POFUT3: variants seen among roughly 807,000 people sequenced by gnomAD.
The protein encoded by POFUT3 is protein O-fucosyltransferase 3.
chr8:33,342,215 G>A, the POFUT3 span, among the ~76,000 whole-genome samples: 1 of 151,932 alleles, frequency 6.6e-6, no homozygotes, highest in Non-Finnish European at 1.5e-5. Flanking sequence ...AAATTAGCCA[G>A]GTGTGATGGC....
the POFUT3 span, among the ~76,000 whole-genome samples, chr8:33,382,277 G>C: frequency 1.1e-4 from 16 of 152,184 alleles, no homozygotes; most frequent in South Asian, 2.1e-4. Context: ...GGGTGATAGA[G>C]ACCCTGTCTC....
At chr8:33,428,352 G>T in the POFUT3 span, among the ~76,000 whole-genome samples, 1 of 152,156 alleles carries the variant, frequency 6.6e-6, no homozygotes, top group African/African-American at 2.4e-5. Flanking sequence ...AGAAGCTAAA[G>T]AAATTTTTTA....
the POFUT3 span, among the ~76,000 whole-genome samples, chr8:33,318,138 GTC>G: frequency 6.6e-6 from 1 of 151,946 alleles, no homozygotes; most frequent in Non-Finnish European, 1.5e-5. Flanking sequence ...CAGCTTCTAC[GTC>G]TCTGTATCTG....
the POFUT3 span, among the ~76,000 whole-genome samples, chr8:33,340,520 A>G: frequency 1.3e-5 from 2 of 152,120 alleles, no homozygotes; most frequent in Non-Finnish European, 2.9e-5. Context: ...TGACCCAACT[A>G]CACGCTGCCC....
At chr8:33,309,167 A>AAAAAAAT in the POFUT3 span, among the ~76,000 whole-genome samples, 18 of 53,680 alleles carry the variant, frequency 3.4e-4, no homozygotes, top group African/African-American at 3.7e-4. Flanking sequence ...AAAAAAAAAA[A>AAAAAAAT]ATATATATAT....
At chr8:33,364,369 G>A in the POFUT3 span, among the ~76,000 whole-genome samples, 1 of 151,866 alleles carries the variant, frequency 6.6e-6, no homozygotes, top group Non-Finnish European at 1.5e-5. Flanking sequence ...CACAAGACAA[G>A]GATGCCCTCT....
the POFUT3 span, among the ~76,000 whole-genome samples, chr8:33,368,437 G>A: frequency 1.3e-5 from 2 of 152,300 alleles, no homozygotes; most frequent in Admixed American, 6.5e-5. Flanking sequence ...AGTGAAAAAG[G>A]TTAATATGAC....
At chr8:33,419,794 T>C in the POFUT3 span, among the ~76,000 whole-genome samples, 5 of 151,906 alleles carry the variant, frequency 3.3e-5, no homozygotes, top group African/African-American at 1.2e-4. Context: ...GTTAGGTCAT[T>C]TATTTAAACT....
chr8:33,461,714 A>G, the POFUT3 span: 1 of 1,367,644 alleles, frequency 7.3e-7, no homozygotes, highest in African/African-American at 1.5e-5. Flanking sequence ...ATAAGAAGGA[A>G]TCAAAAAAAT....
chr8:33,402,242 A>G, the POFUT3 span, among the ~76,000 whole-genome samples: 1 of 152,192 alleles, frequency 6.6e-6, no homozygotes, highest in Non-Finnish European at 1.5e-5. Context: ...TAATTAAATC[A>G]AAGGCTTATT....
chr8:33,363,791 C>CA, the POFUT3 span, among the ~76,000 whole-genome samples: 1 of 151,942 alleles, frequency 6.6e-6, no homozygotes, highest in African/African-American at 2.4e-5. Context: ...GCTTACCAAC[C>CA]AAAAAAAGTC....
chr8:33,398,319 TA>T, the POFUT3 span, among the ~76,000 whole-genome samples: 1 of 152,254 alleles, frequency 6.6e-6, no homozygotes, highest in Admixed American at 6.5e-5. Context: ...CAAAAATTAT[TA>T]AAACTGTCGT....
the POFUT3 span, among the ~76,000 whole-genome samples, chr8:33,386,157 C>G: frequency 3.6e-5 from 5 of 140,584 alleles, no homozygotes; most frequent in South Asian, 1.1e-3. Flanking sequence ...CCACTACACT[C>G]CAGCCTGGAC....
At chr8:33,348,336 T>C in the POFUT3 span, among the ~76,000 whole-genome samples, 1 of 152,028 alleles carries the variant, frequency 6.6e-6, no homozygotes, top group African/African-American at 2.4e-5. Context: ...CACTCCCAAT[T>C]GATGATGAGT....
chr8:33,372,765 G>C, the POFUT3 span: 15 of 1,613,932 alleles, frequency 9.3e-6, no homozygotes, highest in Non-Finnish European at 1.2e-5. Context: ...GGGCAACTCA[G>C]GTGGGTATCT....
At chr8:33,318,208 G>A in the POFUT3 span, among the ~76,000 whole-genome samples, 1 of 151,722 alleles carries the variant, frequency 6.6e-6, no homozygotes, top group Non-Finnish European at 1.5e-5. Flanking sequence ...TTTATTTCCT[G>A]CTGTTTTGTA....
the POFUT3 span, among the ~76,000 whole-genome samples, chr8:33,316,181 G>C: frequency 6.6e-6 from 1 of 152,034 alleles, no homozygotes; most frequent in Non-Finnish European, 1.5e-5. Flanking sequence ...TGTATGAGTA[G>C]GTAACCCTTT....
the POFUT3 span, among the ~76,000 whole-genome samples, chr8:33,407,987 C>CAAAAAA: frequency 2.4e-5 from 2 of 83,712 alleles, no homozygotes; most frequent in African/African-American, 4.2e-5. Context: ...GACTCCATCT[C>CAAAAAA]AAAAAAAAAA....
chr8:33,374,744 T>A, the POFUT3 span, among the ~76,000 whole-genome samples: 1 of 152,348 alleles, frequency 6.6e-6, no homozygotes, highest in East Asian at 1.9e-4. Flanking sequence ...AAAGTGTTTT[T>A]AGTAAAAGAC....
Sources: allele counts gnomAD v4.1 joint callset (sites outside exome capture counted in the v4.1 genomes callset), GRCh38; gene constraint gnomAD v4.1.1; transcripts MANE v1.5; gene names NCBI Gene and HGNC (gene_info 2026-07-23, HGNC 2026-07-21).